The following YARS1 variants were observed in gnomAD, a reference collection of about 807,000 sequenced individuals.
YARS1 encodes the protein tyrosyl-tRNA synthetase 1.
In YARS1, 36 loss-of-function variants were observed where a neutral mutation model predicts 62.2. The observed-to-expected ratio is 0.58, with a 90% CI of 0.44 to 0.76. YARS1 has a LOEUF of 0.76. Among genes scored for constraint, YARS1 ranks in the 30% least tolerant of loss-of-function variants. YARS1 has a pLI of 0.00. For missense variants in YARS1, 524 were observed against 639.8 expected (o/e 0.82, Z 1.95); for synonymous variants, 234 against 244.9 (o/e 0.96, Z 0.42).
rs1168016888 is a variant in YARS1 at position 32,810,960 on chromosome 1, T to A, written c.155A>T (p.Tyr52Phe). The A allele has an allele frequency of 6.2e-7, 1 of 1,614,196 alleles. No homozygotes were observed. The highest frequency in any genetic ancestry group is 1.7e-5 in the Admixed American group (1 of 60,018). ...TATTGKPHVAYFVPMSKIADF... is the reference protein window; with the variant it reads ...TATTGKPHVAFFVPMSKIADF... ...TGCAATCTTTGACATGGGCACAAAG[T>A]AAGCCACATGTGGTTTGCCCGTGGT... is the stretch of plus-strand genomic sequence containing the variant. Residue 52 changes from tyrosine (Y) to phenylalanine (F), a missense_variant, in exon 2 of 13, where the codon TAC becomes TTC. Physicochemically the swap from Tyr to Phe is conservative, Grantham distance 22 (BLOSUM62 3). Coordinates refer to ENST00000373477, the MANE Select transcript of YARS1 (RefSeq NM_003680.4).
chr1:32,780,531 T>C, intron 10 of YARS1: 1 of 543,426 alleles, frequency 1.8e-6, no homozygotes, highest in Admixed American at 3.1e-5. Flanking sequence ...GAAGGATCTC[T>C]AAGCCATCTG....
At chr1:32,785,592 T>C (rs554597750) in intron 8 of YARS1, among the ~76,000 whole-genome samples, 1 of 152,180 alleles carries the variant, frequency 6.6e-6, no homozygotes, top group East Asian at 1.9e-4. Context: ...CTTTCTTTTT[T>C]TCTTTTTGAG....
At chr1:32,793,251 T>C (rs1188198986) in intron 5 of YARS1, among the ~76,000 whole-genome samples, 1 of 152,206 alleles carries the variant, frequency 6.6e-6, no homozygotes, top group Non-Finnish European at 1.5e-5. Context: ...GAGGAAATTA[T>C]GGCAGACAAT....
chr1:32,791,302 T>C (rs1653406041), intron 5 of YARS1, 48 bp from the exon 6 acceptor site: 5 of 1,482,430 alleles, frequency 3.4e-6, no homozygotes, highest in South Asian at 2.3e-5. Context: ...TCTAAGTTCC[T>C]CCTCAGTGCC....
At chr1:32,789,200 G>A (rs1244693255) in intron 6 of YARS1, among the ~76,000 whole-genome samples, 1 of 152,134 alleles carries the variant, frequency 6.6e-6, no homozygotes, top group Non-Finnish European at 1.5e-5. Flanking sequence ...CAAACTGTTA[G>A]ATTCTATCCT....
intron 5 of YARS1, 125 bp downstream of exon 5, chr1:32,797,638 T>C: frequency 1.2e-6 from 1 of 854,168 alleles, no homozygotes; most frequent in Non-Finnish European, 2.0e-6. Flanking sequence ...AGTGTTCTCA[T>C]CTGCAAAACA....
intron 1 of YARS1, 118 bp from the exon 2 acceptor site, chr1:32,811,175 G>A (rs1352544518): frequency 4.7e-6 from 7 of 1,481,430 alleles, no homozygotes; most frequent in Non-Finnish European, 6.5e-6. Context: ...GAGCCATCAA[G>A]GAGGTCCAGC....
chr1:32,785,479 A>G (rs1653194228), intron 8 of YARS1, among the ~76,000 whole-genome samples: 3 of 151,550 alleles, frequency 2.0e-5, no homozygotes, highest in South Asian at 4.2e-4. Flanking sequence ...AAAACCCCAC[A>G]AAAACACAGA....
chr1:32,810,734 G>A lies in YARS1; in HGVS notation c.237C>T (p.Tyr79=). 6.2e-7 allele frequency: 1 copy of A among 1,614,110 alleles called. No individual in the cohort carries two copies. Among genetic ancestry groups the A allele is most frequent in the Non-Finnish European group, 8.5e-7 (1 of 1,180,020 alleles). Residue 79 remains tyrosine, a synonymous_variant, in exon 3 of 13, where the codon TAC becomes TAT. Coordinates refer to ENST00000373477, the MANE Select transcript of YARS1 (RefSeq NM_003680.4). ...CCCATGGGGCTTTCATGTTATCCAG[G>A]TATGCGTGGAGGTCCGCAAACAGAA... ...VTILFADLHA[Y]LDNMKAPWEL...
At chr1:32,805,142 C>G (rs1234605883) in intron 4 of YARS1, among the ~76,000 whole-genome samples, 2 of 150,674 alleles carry the variant, frequency 1.3e-5, no homozygotes, top group African/African-American at 4.9e-5. Context: ...GCAGGAGAAT[C>G]AGGCAGGGAG....
chr1:32,792,228 T>C (rs780123932), intron 5 of YARS1, among the ~76,000 whole-genome samples: 1 of 152,134 alleles, frequency 6.6e-6, no homozygotes, highest in Non-Finnish European at 1.5e-5. Context: ...AGAGAAGGCT[T>C]TGTGAACACC....
rs1264107148 is a variant in YARS1, at chr1:32,782,505, T to C, written c.941A>G (p.Glu314Gly). 1 of 1,614,112 alleles carries C rather than the reference T, an allele frequency of 6.2e-7. No individual in the cohort carries two copies. Among genetic ancestry groups the C allele is most frequent in the Non-Finnish European group, 8.5e-7 (1 of 1,180,020 alleles). The change falls in exon 9 of 13, where the codon GAA becomes GGA. Residue 314 changes from glutamate (E) to glycine (G), a missense_variant. By Grantham distance (98) the Glu-to-Gly change is moderately conservative. Transcript: ENST00000373477. ...ATCCAGCAACTTGTTCAGTGCGACT[T>C]CAACAGAATTCTTCAGGTCTCCAGG... is the stretch of plus-strand genomic sequence containing the variant. ...VHPGDLKNSV[E>G]VALNKLLDPI...
chr1:32,793,487 T>A (rs1020967023), intron 5 of YARS1, among the ~76,000 whole-genome samples: 16 of 151,584 alleles, frequency 1.1e-4, no homozygotes, highest in African/African-American at 3.9e-4. Context: ...CAAAAAAAAA[T>A]ACAAAAATTA....
At chr1:32,797,651 G>T in intron 5 of YARS1, 112 bp downstream of exon 5, 1 of 954,880 alleles carries the variant, frequency 1.0e-6, no homozygotes, top group Non-Finnish European at 1.7e-6. Flanking sequence ...GCAAAACAAG[G>T]AGAATATTTA....
intron 4 of YARS1, among the ~76,000 whole-genome samples, chr1:32,799,798 TTTTC>T (rs374474405): frequency 3.0e-4 from 45 of 152,214 alleles, no homozygotes; most frequent in South Asian, 6.2e-4. Context: ...AGACCTAGTT[TTTTC>T]TTTCTTTCTT....
intron 1 of YARS1, 52 bp downstream of exon 1, chr1:32,817,136 G>C: frequency 1.2e-6 from 2 of 1,609,218 alleles, no homozygotes; most frequent in South Asian, 2.2e-5. Flanking sequence ...CAAAATCACT[G>C]AACCTCGGGC....
chr1:32,797,590 A>G (rs1653647032), intron 5 of YARS1, 173 bp downstream of exon 5: 4 of 655,758 alleles, frequency 6.1e-6, no homozygotes, highest in Non-Finnish European at 1.1e-5. Flanking sequence ...TCAGTTACTA[A>G]CTGTGTGATA....
intron 8 of YARS1, among the ~76,000 whole-genome samples, chr1:32,785,354 AG>A (rs1312087220): frequency 6.6e-6 from 1 of 151,486 alleles, no homozygotes; most frequent in Non-Finnish European, 1.5e-5. Flanking sequence ...CCGGCTACTC[AG>A]GAGGCTGAGG....
At chr1:32,782,628 T>A in intron 8 of YARS1, 89 bp from the exon 9 acceptor site, 1 of 1,556,178 alleles carries the variant, frequency 6.4e-7, no homozygotes, top group Non-Finnish European at 8.8e-7. Context: ...AGGGAGTTTT[T>A]CCCAACAGTC....
Sources: gnomAD v4.1 joint callset for allele counts (sites outside exome capture counted in the v4.1 genomes callset) on GRCh38, gnomAD v4.1.1 for gene constraint, MANE v1.5 for transcripts, NCBI Gene and HGNC (gene_info 2026-07-23, HGNC 2026-07-21) for gene names.